LRP1B: variants seen among roughly 807,000 people sequenced by gnomAD.
LRP1B encodes LDL receptor related protein 1B.
Under a neutral mutation model 556.6 loss-of-function variants are expected in LRP1B, and 217 were observed. The observed-to-expected ratio is 0.39, with a 90% CI of 0.35 to 0.44. The LOEUF (loss-of-function observed/expected upper bound fraction) is 0.44. Among genes scored for constraint, LRP1B ranks in the 20% least tolerant of loss-of-function variants. LRP1B has a pLI of 1.00. For missense variants in LRP1B, 5,053 were observed against 5,620.8 expected (o/e 0.90, Z 3.23); for synonymous variants, 2,047 against 1,865.8 (o/e 1.10, Z -2.50).
chr2:142,046,952 T>C (rs1704280503), intron 1 of LRP1B, among the ~76,000 whole-genome samples: 1 of 151,980 alleles, frequency 6.6e-6, no homozygotes, highest in Admixed American at 6.6e-5. Flanking sequence ...AAGTAAAGCT[T>C]TTGTAGGTTA....
At chr2:140,744,000 T>TAAAAAAAAAAAAAAAAAAAA (rs1559090792) in intron 35 of LRP1B, among the ~76,000 whole-genome samples, 1 of 46,144 alleles carries the variant, frequency 2.2e-5, no homozygotes. Flanking sequence ...AAGTAAAAAG[T>TAAAAAAAAAAAAAAAAAAAA]AAAATCCATA....
At position 141,616,373 on chromosome 2, in the gene LRP1B, A is replaced by C. The variant is rs543486467; in HGVS notation, c.206-135840T>G. Among the ~76,000 whole-genome samples, 852 of 152,098 alleles carry C rather than the reference A, an allele frequency of 5.6e-3. 10 individuals carry two copies. The highest frequency in any genetic ancestry group is 0.019 in the African/African-American group (804 of 41,542). ...AATATGTTAGGCAATGAAAACAATA[A>C]TCATATTGACTCTCCCACCCCCATT... On this transcript the variant is annotated intron_variant, in intron 2 of 90. Coordinates refer to ENST00000389484, the MANE Select transcript of LRP1B (RefSeq NM_018557.3).
chr2:141,479,087 T>C (rs1371437108), intron 3 of LRP1B, among the ~76,000 whole-genome samples: 2 of 152,164 alleles, frequency 1.3e-5, no homozygotes, highest in African/African-American at 4.8e-5. Context: ...TAATTGGACC[T>C]TCCTTTAGAA....
At chr2:140,706,724 G>T (rs985202922) in intron 37 of LRP1B, among the ~76,000 whole-genome samples, 1 of 152,108 alleles carries the variant, frequency 6.6e-6, no homozygotes, top group Non-Finnish European at 1.5e-5. Flanking sequence ...CAAAGGCCTA[G>T]CAAACCCTTA....
At chr2:141,845,228 T>A (rs1411879363) in intron 1 of LRP1B, among the ~76,000 whole-genome samples, 1 of 151,824 alleles carries the variant, frequency 6.6e-6, no homozygotes, top group Non-Finnish European at 1.5e-5. Context: ...AATATCACAG[T>A]CTTTTTTCCC....
At chr2:141,096,618 C>G (rs530980593) in intron 7 of LRP1B, among the ~76,000 whole-genome samples, 23 of 71,718 alleles carry the variant, frequency 3.2e-4, no homozygotes, top group Middle Eastern at 9.1e-3. Context: ...ATGACAAAGA[C>G]GGGGAGAGGG....
At chr2:141,060,326 A>G (rs1258957921) in intron 8 of LRP1B, among the ~76,000 whole-genome samples, 1 of 151,646 alleles carries the variant, frequency 6.6e-6, no homozygotes, top group African/African-American at 2.4e-5. Flanking sequence ...TAGCCCGAAT[A>G]GTTTTTTTGT....
At chr2:140,475,058 C>T (rs1218556344) in intron 60 of LRP1B, 80 bp downstream of exon 60, 1 of 541,568 alleles carries the variant, frequency 1.8e-6, no homozygotes, top group African/African-American at 2.0e-5. Flanking sequence ...TGAGAGAAAG[C>T]ATATAAAATA....
chr2:141,754,620 C>T (rs922562975), intron 2 of LRP1B, among the ~76,000 whole-genome samples: 13 of 152,104 alleles, frequency 8.5e-5, no homozygotes, highest in African/African-American at 1.9e-4. Flanking sequence ...TTCCTGTTGA[C>T]GCAGTTTACC....
chr2:141,304,378 A>G (rs1301965730), intron 3 of LRP1B, among the ~76,000 whole-genome samples: 1 of 151,418 alleles, frequency 6.6e-6, no homozygotes, highest in East Asian at 1.9e-4. Flanking sequence ...ATTTTCTTCT[A>G]GTGATTTTAT....
At chr2:140,284,235 G>A (rs947779998) in intron 84 of LRP1B, among the ~76,000 whole-genome samples, 2 of 151,264 alleles carry the variant, frequency 1.3e-5, no homozygotes, top group Non-Finnish European at 3.0e-5. Context: ...GAATCCTAAA[G>A]GCTAACATAG....
intron 3 of LRP1B, among the ~76,000 whole-genome samples, chr2:141,282,638 G>A (rs2105391094): frequency 1.3e-5 from 2 of 151,886 alleles, no homozygotes; most frequent in South Asian, 2.1e-4. Context: ...AATTAATCAA[G>A]CCTTTATCAT....
chr2:141,056,492 TTCTC>T (rs1699181927), intron 9 of LRP1B, among the ~76,000 whole-genome samples: 1 of 151,820 alleles, frequency 6.6e-6, no homozygotes, highest in Non-Finnish European at 1.5e-5. Flanking sequence ...CTTTTCCTTC[TTCTC>T]TCTCTCAAAC....
At chr2:141,202,837 G>A (rs1044820302) in intron 6 of LRP1B, among the ~76,000 whole-genome samples, 25 of 151,956 alleles carry the variant, frequency 1.6e-4, no homozygotes, top group Admixed American at 5.3e-4. Context: ...CCATCAACCC[G>A]TCACCTACAT....
In LRP1B at chr2:142,003,177, G is replaced by A. The variant is rs775114632; in HGVS notation, c.82+127471C>T. Among the ~76,000 whole-genome samples the A allele has an allele frequency of 9.2e-5, 14 of 152,322 alleles. No homozygotes were observed. In the East Asian group the frequency reaches 2.3e-3, roughly 25 times the overall value. The stretch of plus-strand genomic sequence containing the variant: ...TTGGCCATGGGCAATATGAATCAAC[G>A]TGATTCCATAAAAATTTACTGAACA... On this transcript the variant is annotated intron_variant, in intron 1 of 90. Coordinates refer to ENST00000389484, the MANE Select transcript of LRP1B (RefSeq NM_018557.3).
chr2:141,460,944 G>A (rs963769151), intron 3 of LRP1B, among the ~76,000 whole-genome samples: 6 of 151,998 alleles, frequency 3.9e-5, no homozygotes, highest in African/African-American at 1.4e-4. Context: ...TGGGTCTGTT[G>A]AGTTGGAGAT....
intron 1 of LRP1B, among the ~76,000 whole-genome samples, chr2:141,821,956 G>T (rs1696763975): frequency 6.6e-6 from 1 of 152,026 alleles, no homozygotes; most frequent in South Asian, 2.1e-4. Context: ...TTAATTTTCA[G>T]GGAGAATGTA....
At chr2:140,402,617 G>T (rs1028082735) in intron 66 of LRP1B, among the ~76,000 whole-genome samples, 1 of 152,274 alleles carries the variant, frequency 6.6e-6, no homozygotes, top group African/African-American at 2.4e-5. Context: ...AGTCTGGGAG[G>T]TGGATAGCTT....
chr2:140,355,405 G>A (rs543081400), intron 75 of LRP1B, among the ~76,000 whole-genome samples: 1 of 151,990 alleles, frequency 6.6e-6, no homozygotes, highest in Non-Finnish European at 1.5e-5. Flanking sequence ...TCATAGTAAT[G>A]GAACAATCAA....
Sources: gnomAD v4.1 joint callset for allele counts (sites outside exome capture counted in the v4.1 genomes callset) on GRCh38, gnomAD v4.1.1 for gene constraint, MANE v1.5 for transcripts, NCBI Gene and HGNC (gene_info 2026-07-23, HGNC 2026-07-21) for gene names.